The following TRPS1 variants were observed in gnomAD, a reference collection of about 807,000 sequenced individuals.
TRPS1 encodes the protein transcriptional repressor GATA binding 1, also known as zinc finger transcription factor Trps1.
In TRPS1, 6 loss-of-function variants were observed where a neutral mutation model predicts 101.2. The ratio of observed to expected loss-of-function variants is 0.06; its 90% CI spans 0.03 to 0.12. TRPS1 has a LOEUF of 0.12. Ranked by LOEUF, TRPS1 falls within the 10% of genes least tolerant of loss-of-function variation. The pLI is 1.00. For synonymous variants in TRPS1, 578 were observed against 589.8 expected, an observed-to-expected ratio of 0.98 and a Z score of 0.29; for missense variants, 1,363 against 1,567.0, an observed-to-expected ratio of 0.87 and a Z score of 2.20.
At chr8:115,472,308 T>A (rs1814491980) in intron 5 of TRPS1, among the ~76,000 whole-genome samples, 1 of 152,234 alleles carries the variant, frequency 6.6e-6, no homozygotes. Flanking sequence ...CACCAAGTCT[T>A]GGGGCTTGCA....
At chr8:115,599,212 T>C (rs1817854035) in intron 4 of TRPS1, among the ~76,000 whole-genome samples, 2 of 152,202 alleles carry the variant, frequency 1.3e-5, no homozygotes, top group African/African-American at 4.8e-5. Flanking sequence ...TTTTGATTAA[T>C]TCATTTGCTC....
At chr8:115,515,105 G>C (rs538448751) in intron 5 of TRPS1, 2 of 603,854 alleles carry the variant, frequency 3.3e-6, no homozygotes, top group East Asian at 2.8e-5. Context: ...ACTTTCTCAG[G>C]GTCACAGATT....
intron 4 of TRPS1, among the ~76,000 whole-genome samples, chr8:115,594,044 C>T (rs1817735102): frequency 6.6e-6 from 1 of 152,110 alleles, no homozygotes; most frequent in Non-Finnish European, 1.5e-5. Context: ...TGGACAGTCA[C>T]AGCTCTGGAT....
chr8:115,623,937 A>C (rs1818451835), intron 1 of TRPS1, among the ~76,000 whole-genome samples, 179 bp from the exon 2 acceptor site: 1 of 152,010 alleles, frequency 6.6e-6, no homozygotes, highest in Non-Finnish European at 1.5e-5. Flanking sequence ...GCAACAAGAG[A>C]AGGAGGAACA....
chr8:115,454,610 T>C (rs1339542076), intron 5 of TRPS1, among the ~76,000 whole-genome samples: 1 of 152,220 alleles, frequency 6.6e-6, no homozygotes, highest in African/African-American at 2.4e-5. Context: ...GATTGAATTA[T>C]TTGTAAATCC....
intron 5 of TRPS1, among the ~76,000 whole-genome samples, chr8:115,565,388 G>A (rs1356427825): frequency 1.3e-5 from 2 of 152,060 alleles, no homozygotes; most frequent in Non-Finnish European, 2.9e-5. Flanking sequence ...AAGAGGTGGA[G>A]GAACATCTGA....
chr8:115,581,205 A>T (rs1315156788), intron 5 of TRPS1, among the ~76,000 whole-genome samples: 3 of 151,976 alleles, frequency 2.0e-5, no homozygotes, highest in East Asian at 1.9e-4. Context: ...AAAAAAAAAA[A>T]TTTATCTTGT....
intron 5 of TRPS1, among the ~76,000 whole-genome samples, chr8:115,564,556 T>C (rs571408923): frequency 2.0e-5 from 3 of 152,218 alleles, no homozygotes; most frequent in African/African-American, 7.2e-5. Flanking sequence ...GACTAGACAA[T>C]ATGGTGACAG....
chr8:115,504,364 T>G (rs1815390633), intron 5 of TRPS1, among the ~76,000 whole-genome samples: 1 of 152,316 alleles, frequency 6.6e-6, no homozygotes, highest in East Asian at 1.9e-4. Flanking sequence ...AAATCAATTA[T>G]AGAATGATAC....
chr8:115,656,938 A>G (rs1811689557), intron 1 of TRPS1, among the ~76,000 whole-genome samples: 1 of 152,158 alleles, frequency 6.6e-6, no homozygotes, highest in Non-Finnish European at 1.5e-5. Context: ...TAAACTAAAT[A>G]TTTCAAAATC....
At chr8:115,458,142 C>A (rs544643124) in intron 5 of TRPS1, among the ~76,000 whole-genome samples, 1 of 152,034 alleles carries the variant, frequency 6.6e-6, no homozygotes, top group Non-Finnish European at 1.5e-5. Flanking sequence ...GAAATGGAAG[C>A]GGGCAGTCAA....
At chr8:115,657,808 T>C (rs1315538676) in intron 1 of TRPS1, among the ~76,000 whole-genome samples, 1 of 151,896 alleles carries the variant, frequency 6.6e-6, no homozygotes, top group Non-Finnish European at 1.5e-5. Context: ...CACATAGAAA[T>C]GGAATAGCAA....
At chr8:115,486,462 A>C (rs1418973830) in intron 5 of TRPS1, among the ~76,000 whole-genome samples, 1 of 152,206 alleles carries the variant, frequency 6.6e-6, no homozygotes, top group African/African-American at 2.4e-5. Context: ...AAAGGAAAAA[A>C]CAGAAATGAT....
chr8:115,613,698 T>C (rs1048143147), intron 3 of TRPS1, among the ~76,000 whole-genome samples: 9 of 152,228 alleles, frequency 5.9e-5, no homozygotes, highest in South Asian at 4.1e-4. Flanking sequence ...TCTAGGGCTA[T>C]TATGAAGATG....
intron 5 of TRPS1, among the ~76,000 whole-genome samples, chr8:115,450,299 A>G (rs974642185): frequency 1.3e-5 from 2 of 152,130 alleles, no homozygotes; most frequent in African/African-American, 4.8e-5. Context: ...ATGAGATTAG[A>G]CAGTCCATAC....
intron 1 of TRPS1, among the ~76,000 whole-genome samples, chr8:115,631,271 G>C (rs1818635366): frequency 6.6e-6 from 1 of 151,926 alleles, no homozygotes; most frequent in Admixed American, 6.6e-5. Context: ...CCTCTAGACT[G>C]TGAAACTCTT....
Position 115,527,154 on chromosome 8 carries a change from C to G in TRPS1, c.2700+59847G>C, listed in dbSNP as rs117346058. Among the ~76,000 whole-genome samples, 329 of 152,116 alleles carry G rather than the reference C, an allele frequency of 2.2e-3. 1 individual carries two copies. Among genetic ancestry groups the G allele is most frequent in the Non-Finnish European group, 3.8e-3 (258 of 67,962 alleles). The stretch of plus-strand genomic sequence containing the variant: ...AAAGAGAAGGTGTTGATTATATAAG[C>G]TGATATAAACAAAGACTTCAGCCCT... On this transcript the variant is annotated intron_variant, in intron 5 of 6. Coordinates refer to ENST00000395715, the MANE Select transcript of TRPS1 (RefSeq NM_014112.5).
chr8:115,436,685 T>C (rs1813463011), intron 5 of TRPS1, among the ~76,000 whole-genome samples: 1 of 152,186 alleles, frequency 6.6e-6, no homozygotes, highest in Non-Finnish European at 1.5e-5. Flanking sequence ...AACTCTCATC[T>C]GTGTTACAAA....
intron 5 of TRPS1, among the ~76,000 whole-genome samples, chr8:115,535,192 C>CATATATAGCAT (rs1816260438): frequency 7.8e-5 from 6 of 76,726 alleles, no homozygotes; most frequent in Non-Finnish European, 1.2e-4. Flanking sequence ...ATATGTATAG[C>CATATATAGCAT]ATATATATAG....
Sources: gnomAD v4.1 joint callset for allele counts (sites outside exome capture counted in the v4.1 genomes callset) on GRCh38, gnomAD v4.1.1 for gene constraint, MANE v1.5 for transcripts, NCBI Gene and HGNC (gene_info 2026-07-23, HGNC 2026-07-21) for gene names.